CYRIB: variants seen among roughly 807,000 people sequenced by gnomAD.
CYRIB encodes the protein CYFIP-related Rac1 interactor B.
In CYRIB, 8 loss-of-function variants were observed where a neutral mutation model predicts 44.2. The ratio of observed to expected loss-of-function variants is 0.18; its 90% confidence interval spans 0.11 to 0.33. The LOEUF (loss-of-function observed/expected upper bound fraction) is 0.33, where lower values mean the gene tolerates loss of function less well. CYRIB is among the 10% of genes least tolerant of loss of function. The probability of loss-of-function intolerance (pLI) is 1.00; values close to 1 mark genes in which losing one functional copy is unlikely to be tolerated. For synonymous variants in CYRIB, 131 were observed against 127.2 expected (o/e 1.03, Z -0.20); for missense variants, 185 against 382.8 (o/e 0.48, Z 4.31).
At chr8:130,005,268 C>G (rs2097025350) in intron 1 of CYRIB, among the ~76,000 whole-genome samples, 1 of 152,134 alleles carries the variant, frequency 6.6e-6, no homozygotes, top group Non-Finnish European at 1.5e-5. Context: ...AGCGGAAAAT[C>G]AGCCCAGCTC....
At chr8:129,877,311 ATTGTTGC>A (rs2059419177) in intron 3 of CYRIB, among the ~76,000 whole-genome samples, 1 of 152,158 alleles carries the variant, frequency 6.6e-6, no homozygotes, top group South Asian at 2.1e-4. Flanking sequence ...ATTGGTTATT[ATTGTTGC>A]TTGCAATTTT....
intron 2 of CYRIB, among the ~76,000 whole-genome samples, chr8:129,959,082 A>G (rs909233928): frequency 2.1e-5 from 3 of 144,000 alleles, no homozygotes; most frequent in Admixed American, 1.4e-4. Context: ...AAAAAAAAAA[A>G]AACAAAGGCA....
intron 1 of CYRIB, among the ~76,000 whole-genome samples, chr8:130,008,024 C>T (rs2097143415): frequency 1.3e-5 from 2 of 152,084 alleles, no homozygotes; most frequent in African/African-American, 4.8e-5. Flanking sequence ...GCCTGTCCAA[C>T]ATGGTGAAAC....
At chr8:130,006,652 ATATATATATGTATATATATATG>A (rs1564800794) in intron 1 of CYRIB, among the ~76,000 whole-genome samples, 1 of 109,996 alleles carries the variant, frequency 9.1e-6, no homozygotes, top group Non-Finnish European at 2.0e-5. Flanking sequence ...ATATATATAC[ATATATATATGTATATATATATG>A]TATATATATA....
intron 2 of CYRIB, among the ~76,000 whole-genome samples, chr8:129,954,919 C>G (rs758779467): frequency 6.6e-6 from 1 of 152,152 alleles, no homozygotes; most frequent in African/African-American, 2.4e-5. Flanking sequence ...TTACTACACA[C>G]AACACACAAA....
intron 1 of CYRIB, among the ~76,000 whole-genome samples, chr8:129,999,658 C>T (rs1350319018): frequency 6.6e-6 from 1 of 152,230 alleles, no homozygotes; most frequent in Non-Finnish European, 1.5e-5. Flanking sequence ...GACAGAGTCT[C>T]ACTCTGTTGC....
intron 1 of CYRIB, among the ~76,000 whole-genome samples, chr8:129,911,138 AT>A (rs2077779843): frequency 6.6e-6 from 1 of 152,218 alleles, no homozygotes; most frequent in Non-Finnish European, 1.5e-5. Flanking sequence ...GTCTTTTAAA[AT>A]TGTCCCTTTC....
At chr8:129,942,462 G>A (rs559831773), upstream of CYRIB, among the ~76,000 whole-genome samples, 4 of 152,332 alleles carry the variant, frequency 2.6e-5, no homozygotes, top group East Asian at 7.7e-4. Flanking sequence ...TCACAAGTAA[G>A]TTCTTCCATT....
upstream of CYRIB, among the ~76,000 whole-genome samples, chr8:129,944,669 G>C (rs900580387): frequency 6.6e-6 from 1 of 151,784 alleles, no homozygotes; most frequent in Admixed American, 6.6e-5. Context: ...TGTATTCCCA[G>C]CTATTCTGAA....
intron 2 of CYRIB, among the ~76,000 whole-genome samples, chr8:129,888,746 A>G (rs561744137): frequency 6.6e-6 from 1 of 152,282 alleles, no homozygotes; most frequent in South Asian, 2.1e-4. Flanking sequence ...ACTTAGAACA[A>G]TGCCTGGGAT....
At chr8:129,975,458 C>T (rs1282752189) in intron 1 of CYRIB, among the ~76,000 whole-genome samples, 2 of 152,170 alleles carry the variant, frequency 1.3e-5, no homozygotes, top group Non-Finnish European at 2.9e-5. Flanking sequence ...AAACACATTA[C>T]CTTTAGTATA....
intron 1 of CYRIB, among the ~76,000 whole-genome samples, chr8:129,910,007 G>T (rs960340308): frequency 6.6e-6 from 1 of 152,220 alleles, no homozygotes; most frequent in Admixed American, 6.5e-5. Context: ...CACCTCAGGG[G>T]ATGCCTGGAG....
rs553043419 is a variant in CYRIB, at chr8:129,896,030, C to A, written c.-11+7282G>T. ...ACATAGATTTTTCTATTATTTAGAACCATTTATAAACAATACAATGTGTCA... is the reference window on the plus strand; with the variant it reads ...ACATAGATTTTTCTATTATTTAGAAACATTTATAAACAATACAATGTGTCA... On this transcript the variant is annotated intron_variant, in intron 2 of 11. Transcript: ENST00000519824. Among the ~76,000 whole-genome samples, 160 of 152,178 alleles carry A rather than the reference C, an allele frequency of 1.1e-3. 1 individual carries two copies. Among genetic ancestry groups the A allele is most frequent in the African/African-American group, 3.8e-3 (156 of 41,504 alleles).
chr8:129,856,952 C>T (rs2046509147), intron 5 of CYRIB, among the ~76,000 whole-genome samples: 1 of 152,188 alleles, frequency 6.6e-6, no homozygotes, highest in South Asian at 2.1e-4. Flanking sequence ...ACCAATAGTA[C>T]CAATTACTTC....
chr8:129,850,950 T>A (rs757774671), intron 8 of CYRIB, 36 bp from the exon 11 acceptor site: 1 of 1,310,728 alleles, frequency 7.6e-7, no homozygotes, highest in Non-Finnish European at 1.1e-6. Context: ...AAAGTAAAAG[T>A]AACAAACGTT....
At chr8:129,845,567 G>T (rs2039453543) in intron 11 of CYRIB, among the ~76,000 whole-genome samples, 1 of 152,172 alleles carries the variant, frequency 6.6e-6, no homozygotes, top group African/African-American at 2.4e-5. Flanking sequence ...CCTTTATTCA[G>T]GCAGCTACCG....
At chr8:129,894,559 G>A (rs1263311972) in intron 2 of CYRIB, 2 of 152,196 alleles carry the variant, frequency 1.3e-5, no homozygotes, top group African/African-American at 4.8e-5. Context: ...TTCCTGTTAG[G>A]AGGAACTGGA....
intron 1 of CYRIB, among the ~76,000 whole-genome samples, chr8:129,913,528 T>C (rs2136458069): frequency 6.6e-6 from 1 of 152,372 alleles, no homozygotes; most frequent in Non-Finnish European, 1.5e-5. Context: ...TATGATCCAA[T>C]GTTTTTGTAG....
At chr8:129,847,265 C>T (rs1382268304) in intron 10 of CYRIB, 1 of 163,316 alleles carries the variant, frequency 6.1e-6, no homozygotes, top group Admixed American at 6.4e-5. Flanking sequence ...AGTTCGAGAC[C>T]ATCCTGCCTA....
Sources: gnomAD v4.1 joint callset for allele counts (sites outside exome capture counted in the v4.1 genomes callset) on GRCh38, gnomAD v4.1.1 for gene constraint, MANE v1.5 for transcripts, NCBI Gene and HGNC (gene_info 2026-07-23, HGNC 2026-07-21) for gene names.